Variants in KCNIP1 observed in about 807,000 individuals in gnomAD.
KCNIP1 encodes the protein potassium voltage-gated channel interacting protein 1, also known as A-type potassium channel modulatory protein KCNIP1.
Under a neutral mutation model 33.0 loss-of-function variants are expected in KCNIP1, and 18 were observed. The ratio of observed to expected loss-of-function variants is 0.55; its 90% confidence interval spans 0.38 to 0.81. The LOEUF is 0.81. KCNIP1 is among the 30% of genes least tolerant of loss of function. The pLI is 0.00. For missense variants in KCNIP1, 238 were observed against 271.6 expected (o/e 0.88, Z 0.87); for synonymous variants, 93 against 98.3 (o/e 0.95, Z 0.32).
intron 1 of KCNIP1, among the ~76,000 whole-genome samples, chr5:170,545,354 CTTTGTG>C (rs1756374324): frequency 6.6e-6 from 1 of 151,966 alleles, no homozygotes. Flanking sequence ...TTATGATTTT[CTTTGTG>C]TTTAACTTTT....
At chr5:170,669,537 G>A (rs1761838408) in intron 1 of KCNIP1, 2 of 985,256 alleles carry the variant, frequency 2.0e-6, no homozygotes, top group Non-Finnish European at 2.4e-6. Context: ...ACAGATGGAT[G>A]GATGGTTGAT....
At chr5:170,641,473 T>C (rs982729244) in intron 1 of KCNIP1, among the ~76,000 whole-genome samples, 1 of 152,232 alleles carries the variant, frequency 6.6e-6, no homozygotes, top group African/African-American at 2.4e-5. Flanking sequence ...TAAGTCATGC[T>C]CCAGCAGTCG....
intron 1 of KCNIP1, among the ~76,000 whole-genome samples, chr5:170,441,359 A>G (rs559397080): frequency 6.6e-6 from 1 of 152,200 alleles, no homozygotes; most frequent in South Asian, 2.1e-4. Flanking sequence ...TGTGGAACAA[A>G]CGAGACCCCT....
At chr5:170,464,804 C>A (rs1315494430) in intron 1 of KCNIP1, among the ~76,000 whole-genome samples, 1 of 152,218 alleles carries the variant, frequency 6.6e-6, no homozygotes, top group Non-Finnish European at 1.5e-5. Flanking sequence ...GGAATTCTAA[C>A]CCCCAAAGCC....
chr5:170,504,778 A>G lies in KCNIP1; in HGVS notation c.61+145A>G, dbSNP rs1754644443. The G allele has an allele frequency of 2.8e-6, 2 of 714,310 alleles. No homozygotes were observed. 44.2% of individuals were successfully genotyped at this position (714,310 alleles called of 1,614,324 possible). A position where few individuals can be genotyped will look rare whatever the true frequency, so the allele number is the denominator to read the frequency against. On this transcript the variant is annotated intron_variant, in intron 1 of 7. Coordinates refer to ENST00000328939, the MANE Select transcript of KCNIP1 (RefSeq NM_014592.4). This position sits in a 1 kb window ranked among gnomAD's most constrained non-coding sequence, Gnocchi z 6.0. ...GTGCTTGTATCCAAAGGAGAGAGAAATCGGCGGGAGGGCTGGTGTGAACAC... is the reference window on the plus strand; with the variant it reads ...GTGCTTGTATCCAAAGGAGAGAGAAGTCGGCGGGAGGGCTGGTGTGAACAC...
chr5:170,414,747 A>C (rs1256844964), intron 1 of KCNIP1, among the ~76,000 whole-genome samples: 1 of 152,258 alleles, frequency 6.6e-6, no homozygotes, highest in Admixed American at 6.5e-5. Context: ...GTTTGAAAGA[A>C]GGAAATCATT....
intron 1 of KCNIP1, among the ~76,000 whole-genome samples, chr5:170,480,815 T>C (rs1205884829): frequency 1.3e-5 from 2 of 152,196 alleles, no homozygotes; most frequent in African/African-American, 4.8e-5. Context: ...TTCCATGTTA[T>C]CAGTTCCCTC....
intron 1 of KCNIP1, among the ~76,000 whole-genome samples, chr5:170,417,866 C>T (rs78639324): frequency 0.017 from 2,658 of 152,292 alleles, 25 homozygotes; most frequent in Non-Finnish European, 0.026. Flanking sequence ...CTCCAATTCA[C>T]CTGTCCACCT....
At chr5:170,417,665 G>T (rs1253616798) in intron 1 of KCNIP1, among the ~76,000 whole-genome samples, 1 of 152,096 alleles carries the variant, frequency 6.6e-6, no homozygotes, top group Non-Finnish European at 1.5e-5. Flanking sequence ...GATAGTAAAA[G>T]CTCTGCTGCC....
At chr5:170,564,979 C>T in intron 1 of KCNIP1, among the ~76,000 whole-genome samples, 1 of 152,116 alleles carries the variant, frequency 6.6e-6, no homozygotes, top group East Asian at 1.9e-4. Flanking sequence ...ACCTAGGTTA[C>T]CTGGCCCCAA....
In KCNIP1 at chr5:170,378,846, C is replaced by T. The variant is rs971882146; in HGVS notation, c.88+24882C>T. ...CCCGTAGAGGCGCTGGAATAGGACGCTGGTTTCGTTCCCCCGAGGTGCGGA... is the reference window on the plus strand; with the variant it reads ...CCCGTAGAGGCGCTGGAATAGGACGTTGGTTTCGTTCCCCCGAGGTGCGGA... On this transcript the variant is annotated intron_variant, in intron 1 of 7. Transcript: ENST00000377360. 31 of 1,614,128 alleles carry T rather than the reference C, an allele frequency of 1.9e-5. No individual in the cohort carries two copies. Among genetic ancestry groups the T allele is most frequent in the Non-Finnish European group, 2.5e-5 (30 of 1,180,052 alleles).
chr5:170,634,884 TAA>T (rs1760224125), intron 1 of KCNIP1, among the ~76,000 whole-genome samples: 1 of 152,226 alleles, frequency 6.6e-6, no homozygotes, highest in African/African-American at 2.4e-5. Context: ...TGGCAACCCT[TAA>T]ATCACAAACT....
At chr5:170,365,148 G>T (rs746667127) in intron 1 of KCNIP1, among the ~76,000 whole-genome samples, 5 of 152,086 alleles carry the variant, frequency 3.3e-5, no homozygotes, top group African/African-American at 9.7e-5. Context: ...CCTACCACAT[G>T]GTAGGCCCTC....
chr5:170,457,421 T>C (rs1375024533), intron 1 of KCNIP1, among the ~76,000 whole-genome samples: 4 of 152,110 alleles, frequency 2.6e-5, no homozygotes, highest in Admixed American at 1.3e-4. Flanking sequence ...ACAGACCCTC[T>C]GAAGGAAGTG....
At chr5:170,543,968 C>A (rs1057058667) in intron 1 of KCNIP1, among the ~76,000 whole-genome samples, 1 of 152,142 alleles carries the variant, frequency 6.6e-6, no homozygotes, top group Non-Finnish European at 1.5e-5. Context: ...TAGAAACCAG[C>A]GTTAATGGGA....
intron 1 of KCNIP1, among the ~76,000 whole-genome samples, chr5:170,680,335 A>G (rs992596869): frequency 2.0e-5 from 3 of 152,154 alleles, no homozygotes; most frequent in African/African-American, 7.2e-5. Flanking sequence ...AAAGTTTAGG[A>G]CATGCCGACA....
intron 1 of KCNIP1, among the ~76,000 whole-genome samples, chr5:170,424,393 A>AT (rs1452481198): frequency 2.6e-5 from 4 of 152,306 alleles, no homozygotes; most frequent in African/African-American, 9.6e-5. Context: ...AGAGTAGGGA[A>AT]TACAGCCTGT....
intron 1 of KCNIP1, among the ~76,000 whole-genome samples, chr5:170,560,684 G>A (rs148598847): frequency 2.0e-5 from 3 of 152,162 alleles, no homozygotes; most frequent in Non-Finnish European, 2.9e-5. Context: ...GCGCTTCTCA[G>A]CCTCTGTCTC....
At chr5:170,726,221 C>T (rs1248303214) in intron 5 of KCNIP1, among the ~76,000 whole-genome samples, 2 of 151,930 alleles carry the variant, frequency 1.3e-5, no homozygotes, top group East Asian at 3.9e-4. Context: ...TATAAAGATA[C>T]CAGGATACCA....
Sources: allele counts gnomAD v4.1 joint callset (sites outside exome capture counted in the v4.1 genomes callset), GRCh38; gene constraint gnomAD v4.1.1; non-coding constraint Gnocchi (gnomAD v3.1); transcripts MANE v1.5; gene names NCBI Gene and HGNC (gene_info 2026-07-23, HGNC 2026-07-21).